DPP10: variants seen among roughly 807,000 people sequenced by gnomAD.
DPP10 encodes the protein dipeptidyl peptidase like 10, also known as inactive dipeptidyl peptidase 10.
A neutral mutation model predicts 120.9 loss-of-function variants in DPP10; 33 were observed. The ratio of observed to expected loss-of-function variants is 0.27; its 90% CI spans 0.21 to 0.37. DPP10 has a LOEUF of 0.37. Ranked by LOEUF, DPP10 falls within the 10% of genes least tolerant of loss-of-function variation. The pLI, the probability that DPP10 is intolerant of heterozygous loss-of-function variation, is 1.00. For synonymous variants in DPP10, 337 were observed against 326.1 expected (o/e 1.03, Z -0.36); for missense variants, 816 against 942.8 (o/e 0.87, Z 1.76).
intron 1 of DPP10, among the ~76,000 whole-genome samples, chr2:114,470,028 A>G (rs1010177123): frequency 1.3e-5 from 2 of 152,362 alleles, no homozygotes; most frequent in Non-Finnish European, 2.9e-5. Context: ...GGGCAGACAC[A>G]GAGTGTTTCC....
At chr2:115,249,063 G>A (rs181722145) in intron 1 of DPP10, among the ~76,000 whole-genome samples, 30 of 152,172 alleles carry the variant, frequency 2.0e-4, no homozygotes, top group Admixed American at 3.9e-4. Flanking sequence ...TCTTCATTAT[G>A]CTGAAGATTA....
Position 114,838,976 on chromosome 2 carries a change from C to T in DPP10, c.60+396138C>T, listed in dbSNP as rs531707859. ...TTATATTTTACATATCCTCTGTACT[C>T]TATTTTATGTATCATATCCTCTGTT... On this transcript the variant is annotated intron_variant, in intron 1 of 25. Transcript: ENST00000410059. Among the ~76,000 whole-genome samples the T allele has an allele frequency of 5.3e-5, 8 of 152,282 alleles. No individual in the cohort carries two copies. The South Asian group carries it at 1.7e-3, about 32-fold the overall frequency.
intron 13 of DPP10, among the ~76,000 whole-genome samples, chr2:115,772,854 G>A (rs13394204): frequency 0.039 from 5,972 of 152,076 alleles, 391 homozygotes; most frequent in African/African-American, 0.14. Context: ...GTGTTCAGTC[G>A]TTCAGATTCA....
At chr2:114,894,450 AT>A (rs1365690388) in intron 1 of DPP10, among the ~76,000 whole-genome samples, 1 of 152,214 alleles carries the variant, frequency 6.6e-6, no homozygotes, top group African/African-American at 2.4e-5. Flanking sequence ...TATTCCGTTC[AT>A]TCAATAGGCC....
At chr2:115,279,547 G>A (rs1480078982) in intron 1 of DPP10, among the ~76,000 whole-genome samples, 1 of 149,340 alleles carries the variant, frequency 6.7e-6, no homozygotes, top group Non-Finnish European at 1.5e-5. Context: ...AAATCACCGT[G>A]TTGATTTGCG....
chr2:115,088,768 A>AAAAAAAAAACAAAAAAAAC (rs775985067), intron 1 of DPP10, among the ~76,000 whole-genome samples: 1 of 134,830 alleles, frequency 7.4e-6, no homozygotes, highest in Non-Finnish European at 1.6e-5. Flanking sequence ...AAAAAAAAAA[A>AAAAAAAAAACAAAAAAAAC]ACCAAAAAAC....
At chr2:114,512,173 A>G (rs532492773) in intron 1 of DPP10, among the ~76,000 whole-genome samples, 47 of 152,308 alleles carry the variant, frequency 3.1e-4, no homozygotes, top group African/African-American at 1.1e-3. Context: ...TTTTCATGAA[A>G]CATAACTCAG....
At chr2:115,638,850 C>T (rs79651677) in intron 5 of DPP10, among the ~76,000 whole-genome samples, 5,930 of 152,176 alleles carry the variant, frequency 0.039, 133 homozygotes, top group African/African-American at 0.064. Flanking sequence ...TACACAAACA[C>T]GGAAGCACTA....
intron 1 of DPP10, among the ~76,000 whole-genome samples, chr2:114,756,309 C>T (rs1679740747): frequency 6.6e-6 from 1 of 152,122 alleles, no homozygotes; most frequent in Admixed American, 6.5e-5. Context: ...GTCTAGCTTT[C>T]CCTGGGGGAT....
chr2:115,611,310 A>G (rs746791522), intron 5 of DPP10, among the ~76,000 whole-genome samples: 29 of 152,244 alleles, frequency 1.9e-4, no homozygotes, highest in South Asian at 4.1e-4. Flanking sequence ...ATCTTAATCT[A>G]TGCAATGAAC....
intron 1 of DPP10, among the ~76,000 whole-genome samples, chr2:114,539,548 C>T (rs1486213916): frequency 6.6e-6 from 1 of 152,146 alleles, no homozygotes; most frequent in Non-Finnish European, 1.5e-5. Flanking sequence ...GCTTTCTTTG[C>T]TCAGGTTCTT....
At chr2:115,226,348 G>A (rs1190694982) in intron 1 of DPP10, among the ~76,000 whole-genome samples, 1 of 152,006 alleles carries the variant, frequency 6.6e-6, no homozygotes, top group Non-Finnish European at 1.5e-5. Context: ...CTCATTTTTG[G>A]CTGCTGATAT....
At chr2:115,400,744 C>T in intron 3 of DPP10, among the ~76,000 whole-genome samples, 1 of 152,176 alleles carries the variant, frequency 6.6e-6, no homozygotes, top group East Asian at 1.9e-4. Flanking sequence ...ATAAAATTTA[C>T]TTTTGAAATA....
chr2:115,408,275 T>G (rs1198782597), intron 3 of DPP10, among the ~76,000 whole-genome samples: 4 of 152,022 alleles, frequency 2.6e-5, no homozygotes, highest in Non-Finnish European at 5.9e-5. Context: ...CTGCAAATGG[T>G]ACAGACTTCC....
chr2:114,959,469 A>G (rs1331241448), intron 1 of DPP10, among the ~76,000 whole-genome samples: 2 of 152,220 alleles, frequency 1.3e-5, no homozygotes, highest in African/African-American at 4.8e-5. Context: ...TTACTCATTC[A>G]TCAGCTGATG....
At chr2:115,301,370 C>G (rs960083253) in intron 1 of DPP10, among the ~76,000 whole-genome samples, 7 of 151,760 alleles carry the variant, frequency 4.6e-5, no homozygotes, top group Admixed American at 3.9e-4. Flanking sequence ...AAGACAGAAA[C>G]CAGTCCCTCA....
intron 1 of DPP10, among the ~76,000 whole-genome samples, chr2:114,598,395 G>C (rs1692099458): frequency 6.6e-6 from 1 of 151,832 alleles, no homozygotes; most frequent in Non-Finnish European, 1.5e-5. Flanking sequence ...AGAAGATAGA[G>C]TGCAAACTGC....
At chr2:115,567,011 G>C (rs184252110) in intron 5 of DPP10, among the ~76,000 whole-genome samples, 177 of 152,144 alleles carry the variant, frequency 1.2e-3, no homozygotes, top group African/African-American at 4.1e-3. Flanking sequence ...GTTTGAAATT[G>C]CTAAATTGTG....
intron 15 of DPP10, among the ~76,000 whole-genome samples, 157 bp downstream of exon 15, chr2:115,777,991 C>G (rs148663715): frequency 2.6e-5 from 4 of 152,214 alleles, no homozygotes; most frequent in African/African-American, 4.8e-5. Flanking sequence ...ACCAGTCTCT[C>G]CCTTGACAGG....
Sources: allele counts gnomAD v4.1 joint callset (sites outside exome capture counted in the v4.1 genomes callset), GRCh38; gene constraint gnomAD v4.1.1; transcripts MANE v1.5; gene names NCBI Gene and HGNC (gene_info 2026-07-23, HGNC 2026-07-21).